CADPS2: variants seen among roughly 807,000 people sequenced by gnomAD.
The protein encoded by CADPS2 is calcium-dependent secretion activator 2.
In CADPS2, 93 loss-of-function variants were observed where a neutral mutation model predicts 172.5. The observed-to-expected ratio is 0.54, with a 90% CI of 0.46 to 0.64. The LOEUF (loss-of-function observed/expected upper bound fraction) is 0.64. CADPS2 is among the 30% of genes least tolerant of loss of function. The pLI, the probability that CADPS2 is intolerant of heterozygous loss-of-function variation, is 0.00. For missense variants in CADPS2, 1,420 were observed against 1,565.9 expected, an observed-to-expected ratio of 0.91 and a Z score of 1.57; for synonymous variants, 546 against 555.2, an observed-to-expected ratio of 0.98 and a Z score of 0.23.
chr7:122,485,603 A>G (rs1346477486), intron 11 of CADPS2, among the ~76,000 whole-genome samples: 1 of 152,220 alleles, frequency 6.6e-6, no homozygotes, highest in Non-Finnish European at 1.5e-5. Flanking sequence ...CATCTCTATT[A>G]CATAAAAGTA....
chr7:122,668,028 A>T (rs2135481252), intron 2 of CADPS2, among the ~76,000 whole-genome samples: 1 of 152,254 alleles, frequency 6.6e-6, no homozygotes, highest in South Asian at 2.1e-4. Flanking sequence ...TACGTTAGGT[A>T]ATTGGTGGCA....
intron 14 of CADPS2, among the ~76,000 whole-genome samples, chr7:122,457,125 A>G (rs1046036909): frequency 6.6e-6 from 1 of 152,198 alleles, no homozygotes; most frequent in Non-Finnish European, 1.5e-5. Flanking sequence ...AAAACAAACT[A>G]AAAATTTAGT....
chr7:122,779,621 T>C (rs560678494), intron 1 of CADPS2, among the ~76,000 whole-genome samples: 8 of 152,288 alleles, frequency 5.3e-5, no homozygotes, highest in Admixed American at 4.6e-4. Context: ...AATATAGAAC[T>C]GAGTATAGAC....
At chr7:122,560,428 T>C (rs1472051772) in intron 7 of CADPS2, among the ~76,000 whole-genome samples, 1 of 152,168 alleles carries the variant, frequency 6.6e-6, no homozygotes, top group African/African-American at 2.4e-5. Context: ...CAAATTTTCA[T>C]ACTCAAGTAA....
intron 2 of CADPS2, among the ~76,000 whole-genome samples, chr7:122,674,015 C>T (rs2082144718): frequency 6.6e-6 from 1 of 152,100 alleles, no homozygotes; most frequent in South Asian, 2.1e-4. Flanking sequence ...CAGCGCGGCT[C>T]GGGCGGGCTG....
At chr7:122,390,489 T>C (rs1385982388) in intron 22 of CADPS2, among the ~76,000 whole-genome samples, 1 of 152,078 alleles carries the variant, frequency 6.6e-6, no homozygotes, top group Non-Finnish European at 1.5e-5. Flanking sequence ...TTGGAATGTA[T>C]ATATTCTTTA....
intron 8 of CADPS2, among the ~76,000 whole-genome samples, chr7:122,533,397 T>C (rs1228497030): frequency 6.6e-6 from 1 of 152,168 alleles, no homozygotes; most frequent in African/African-American, 2.4e-5. Context: ...TCCATTTCTT[T>C]ATCATTCTTT....
chr7:122,761,210 A>C (rs2093367749), intron 1 of CADPS2, among the ~76,000 whole-genome samples: 1 of 152,210 alleles, frequency 6.6e-6, no homozygotes, highest in South Asian at 2.1e-4. Flanking sequence ...CATAACTGAA[A>C]GTGGGATGCA....
chr7:122,751,081 G>A (rs2092935115), intron 1 of CADPS2, among the ~76,000 whole-genome samples: 1 of 152,082 alleles, frequency 6.6e-6, no homozygotes. Flanking sequence ...AAAGAAATAT[G>A]AGGAGATTCA....
At chr7:122,791,693 T>G (rs1795327808) in intron 1 of CADPS2, among the ~76,000 whole-genome samples, 1 of 152,162 alleles carries the variant, frequency 6.6e-6, no homozygotes, top group South Asian at 2.1e-4. Context: ...CTTAGAAGTT[T>G]TTCAATTTGA....
intron 2 of CADPS2, 80 bp from the exon 3 acceptor site, chr7:122,663,649 T>G (rs2080860441): frequency 2.0e-6 from 2 of 1,023,342 alleles, no homozygotes; most frequent in Non-Finnish European, 2.8e-6. Context: ...CTTTCAGCAA[T>G]CCAGCCAGAG....
At chr7:122,798,226 G>A (rs1796827344) in intron 1 of CADPS2, among the ~76,000 whole-genome samples, 1 of 152,100 alleles carries the variant, frequency 6.6e-6, no homozygotes, top group South Asian at 2.1e-4. Context: ...AAAAGGTGCT[G>A]TGATCGTCCC....
At chr7:122,396,633 G>A (rs118114013) in intron 20 of CADPS2, among the ~76,000 whole-genome samples, 2 of 152,232 alleles carry the variant, frequency 1.3e-5, no homozygotes, top group East Asian at 1.9e-4. Context: ...CTGTGATACA[G>A]TCATAATGAC....
At chr7:122,833,063 A>G (rs1807090082) in intron 1 of CADPS2, among the ~76,000 whole-genome samples, 1 of 152,216 alleles carries the variant, frequency 6.6e-6, no homozygotes, top group South Asian at 2.1e-4. Flanking sequence ...AGATAGATTC[A>G]CTATCCATGC....
intron 2 of CADPS2, among the ~76,000 whole-genome samples, chr7:122,705,645 T>TCTCA (rs1223564270): frequency 2.0e-5 from 2 of 99,564 alleles, no homozygotes; most frequent in East Asian, 2.4e-4. Context: ...ATATAATATA[T>TCTCA]TATATAATAT....
intron 1 of CADPS2, among the ~76,000 whole-genome samples, chr7:122,859,741 A>T (rs1288245758): frequency 6.6e-6 from 1 of 152,104 alleles, no homozygotes; most frequent in Non-Finnish European, 1.5e-5. Flanking sequence ...TCTCCTGTAT[A>T]CTTTAAATCT....
At chr7:122,701,813 C>A (rs1354332563) in intron 2 of CADPS2, 3 of 1,482,992 alleles carry the variant, frequency 2.0e-6, no homozygotes, top group Non-Finnish European at 1.8e-6. Context: ...GTTACATCTT[C>A]AGAAAATTCT....
Position 122,413,962 on chromosome 7 carries a change from G to A in CADPS2, c.2589+106C>T, listed in dbSNP as rs1339985049. On this transcript the variant is annotated intron_variant, in intron 19 of 29. Transcript: ENST00000449022. ...CAGACATTCTGTAATTTCAAAGAAA[G>A]GACTAATTGGCTTTAAAATGGACTA... The A allele has an allele frequency of 4.4e-6, 4 of 906,422 alleles. No homozygotes were observed. The Admixed American group carries it at 9.5e-5, about 22-fold the overall frequency. The allele number at this position is 906,422 out of a possible 1,614,324, so 56.1% of individuals were successfully genotyped here.
chr7:122,362,614 T>A (rs1335900749), intron 25 of CADPS2, among the ~76,000 whole-genome samples: 4 of 152,188 alleles, frequency 2.6e-5, no homozygotes, highest in Non-Finnish European at 5.9e-5. Flanking sequence ...TCTCTCCTCC[T>A]TAGAACTAAA....
Sources: allele counts gnomAD v4.1 joint callset (sites outside exome capture counted in the v4.1 genomes callset), GRCh38; gene constraint gnomAD v4.1.1; transcripts MANE v1.5; gene names NCBI Gene and HGNC (gene_info 2026-07-23, HGNC 2026-07-21).